Variants in KLHL4 observed in about 807,000 individuals in gnomAD.
KLHL4 encodes kelch like family member 4.
KLHL4 carries 17 observed loss-of-function variants against 45.8 expected under a neutral mutation model. The ratio of observed to expected loss-of-function variants is 0.37; its 90% CI spans 0.25 to 0.56. KLHL4 has a LOEUF of 0.56. Among genes scored for constraint, KLHL4 ranks in the 20% least tolerant of loss-of-function variants. The pLI, the probability that KLHL4 is intolerant of heterozygous loss-of-function variation, is 0.79. For missense variants in KLHL4, 544 were observed against 544.9 expected, an observed-to-expected ratio of 1.00 and a Z score of 0.02; for synonymous variants, 224 against 189.9, an observed-to-expected ratio of 1.18 and a Z score of -1.47.
chrX:87,633,969 G>A (rs752423605), intron 8 of KLHL4, 58 bp downstream of exon 8: 15 of 962,220 alleles, frequency 1.6e-5, no homozygotes, highest in East Asian at 1.3e-4. Flanking sequence ...ATAGAACTTC[G>A]GTGACATGAT....
chrX:87,533,865 T>C (rs1931368210), intron 1 of KLHL4, among the ~76,000 whole-genome samples: 1 of 111,228 alleles, frequency 9.0e-6, no homozygotes, highest in Admixed American at 9.7e-5. Context: ...TCAAGAGCTT[T>C]CTGTAGAGCC....
rs150394728 is a variant in KLHL4 at position 87,552,400 on chromosome X, A to T, written c.422+34085A>T. 4.3e-3 allele frequency among the ~76,000 whole-genome samples: 481 copies of T among 111,048 alleles called. 4 individuals carry two copies. The highest frequency in any genetic ancestry group is 0.015 in the African/African-American group (444 of 30,549). On this transcript the variant is annotated intron_variant, in intron 1 of 10. Coordinates refer to ENST00000373119, the MANE Select transcript of KLHL4 (RefSeq NM_019117.5). ...AAAAAATAAAAATAAAAATAAAAACAGCAGATGTTGGCATTGATGTGGTGA... is the reference window on the plus strand; with the variant it reads ...AAAAAATAAAAATAAAAATAAAAACTGCAGATGTTGGCATTGATGTGGTGA...
At chrX:87,540,852 G>A (rs1931536173) in intron 1 of KLHL4, among the ~76,000 whole-genome samples, 1 of 111,551 alleles carries the variant, frequency 9.0e-6, no homozygotes, top group Non-Finnish European at 1.9e-5. Flanking sequence ...CTATACAACT[G>A]GCAGTGTAGT....
chrX:87,658,247 C>T (rs1924056950), intron 9 of KLHL4, among the ~76,000 whole-genome samples: 1 of 111,860 alleles, frequency 8.9e-6, no homozygotes, highest in South Asian at 3.8e-4. Context: ...ACACTTCAAT[C>T]CCATACCACT....
chrX:87,566,302 A>T (rs1932210507), intron 1 of KLHL4, among the ~76,000 whole-genome samples: 1 of 111,378 alleles, frequency 9.0e-6, no homozygotes, highest in Non-Finnish European at 1.9e-5. Context: ...ATCATCCCTC[A>T]TGAAAATAGA....
rs141495584 is a variant in KLHL4 at position 87,620,938 on chromosome X, G to T, written c.925-1273G>T. Among the ~76,000 whole-genome samples the T allele has an allele frequency of 5.2e-3, 583 of 112,537 alleles. 4 individuals carry two copies. Among genetic ancestry groups the T allele is most frequent in the African/African-American group, 0.018 (554 of 31,027 alleles). Reference sequence around the variant, plus strand: ...CACCATTATTTGTATAAGTGGGAGGGTCTTCACCCAGAGACATCTGCTACA... The same window carrying T: ...CACCATTATTTGTATAAGTGGGAGGTTCTTCACCCAGAGACATCTGCTACA... On this transcript the variant is annotated intron_variant, in intron 4 of 10. Coordinates refer to ENST00000373119, the MANE Select transcript of KLHL4 (RefSeq NM_019117.5).
At position 87,668,786 on chromosome X, in the gene KLHL4, A is replaced by T. The variant is rs1180269896; in HGVS notation, c.*2252A>T. On this transcript the variant is annotated 3_prime_UTR_variant, in exon 11 of 11. Coordinates refer to ENST00000373119, the MANE Select transcript of KLHL4 (RefSeq NM_019117.5). ...GATGCTATGTGTTACCTTGGGACTTACCTGACAGCTCTTACCAACAAGAAG... is the reference window on the plus strand; with the variant it reads ...GATGCTATGTGTTACCTTGGGACTTTCCTGACAGCTCTTACCAACAAGAAG... The T allele has an allele frequency of 5.4e-6, 1 of 183,712 alleles. No homozygotes were observed. Among genetic ancestry groups the T allele is most frequent in the Non-Finnish European group, 8.4e-6 (1 of 119,387 alleles). The allele number at this position is 183,712 out of a possible 1,213,427, so 15.1% of individuals were successfully genotyped here.
intron 9 of KLHL4, among the ~76,000 whole-genome samples, chrX:87,638,616 GAGTCTTTTTTAGACAA>G (rs1923347070): frequency 1.8e-5 from 2 of 111,574 alleles, no homozygotes; most frequent in African/African-American, 6.5e-5. Flanking sequence ...AGGAAAGATA[GAGTCTTTTTTAGACAA>G]ACAAATGCTG....
chrX:87,565,661 G>T lies in KLHL4; in HGVS notation c.422+47346G>T, dbSNP rs773355804. 4.2e-5 allele frequency among the ~76,000 whole-genome samples: 4 copies of T among 95,245 alleles called. No homozygotes were observed. In the South Asian group the frequency reaches 2.3e-3, roughly 54 times the overall value. The allele number at this position is 95,245 out of a possible 115,157, so 82.7% of individuals were successfully genotyped here. ...AAATTGTTTGAACCCTGGAGGTGGA[G>T]GTTGCAGTGAGCCGTGATTGTGCCA... On this transcript the variant is annotated intron_variant, in intron 1 of 10. Coordinates refer to ENST00000373119, the MANE Select transcript of KLHL4 (RefSeq NM_019117.5).
At chrX:87,550,452 T>A (rs1468928113) in intron 1 of KLHL4, among the ~76,000 whole-genome samples, 1 of 111,165 alleles carries the variant, frequency 9.0e-6, no homozygotes, top group African/African-American at 3.3e-5. Flanking sequence ...TACCAGTCAT[T>A]TTGACACTAT....
chrX:87,645,516 G>A (rs190565497), intron 9 of KLHL4, among the ~76,000 whole-genome samples: 1 of 111,503 alleles, frequency 9.0e-6, no homozygotes, highest in East Asian at 2.8e-4. Flanking sequence ...ACTAAAAGTA[G>A]AACTACCATT....
chrX:87,552,573 G>A (rs779317978), intron 1 of KLHL4, among the ~76,000 whole-genome samples: 1 of 110,527 alleles, frequency 9.0e-6, no homozygotes, highest in African/African-American at 3.3e-5. Context: ...AGGAAAAGAC[G>A]TTGTTATTCA....
At chrX:87,657,107 T>A (rs1455259789) in intron 9 of KLHL4, among the ~76,000 whole-genome samples, 1 of 111,927 alleles carries the variant, frequency 8.9e-6, no homozygotes, top group Non-Finnish European at 1.9e-5. Flanking sequence ...TGCATTGGTG[T>A]CAATGGATTT....
At chrX:87,546,114 G>A (rs182165850) in intron 1 of KLHL4, among the ~76,000 whole-genome samples, 51 of 111,983 alleles carry the variant, frequency 4.6e-4, no homozygotes, top group African/African-American at 1.6e-3. Context: ...ATCCAAGCTG[G>A]CTGCAAAAAT....
At position 87,635,642 on chromosome X, in the gene KLHL4, A is replaced by G. The variant is rs1007600643; in HGVS notation, c.1792A>G (p.Ser598Gly). ...CTTTGACCCACACACTAACAAGTGG[A>G]GTTTGTGTGCTCCAATGTCCAAAAG... ...EYFDPHTNKW[S>G]LCAPMSKRRG... is the part of the protein sequence containing the mutation. The change falls in exon 9 of 11, where the codon AGT (serine) becomes GGT (glycine). Residue 598 changes from serine (S) to glycine (G), a missense_variant. Coordinates refer to ENST00000373119, the MANE Select transcript of KLHL4 (RefSeq NM_019117.5). The G allele has an allele frequency of 3.3e-6, 4 of 1,208,067 alleles. No individual in the cohort carries two copies. Among genetic ancestry groups the G allele is most frequent in the Non-Finnish European group, 3.4e-6 (3 of 893,384 alleles).
chrX:87,528,183 C>G (rs1252786118), intron 1 of KLHL4, among the ~76,000 whole-genome samples: 2 of 111,365 alleles, frequency 1.8e-5, no homozygotes, highest in Non-Finnish European at 3.8e-5. Context: ...AAAAATTCAA[C>G]AAAGAGATAG....
chrX:87,663,513 T>C (rs1569365309), intron 9 of KLHL4, among the ~76,000 whole-genome samples: 2 of 112,630 alleles, frequency 1.8e-5, no homozygotes, highest in African/African-American at 6.4e-5. Context: ...ATTAGTACTA[T>C]GCCCATGCAG....
chrX:87,631,666 G>A (rs1460660586), intron 6 of KLHL4, among the ~76,000 whole-genome samples: 1 of 111,522 alleles, frequency 9.0e-6, no homozygotes, highest in South Asian at 3.8e-4. Flanking sequence ...TGCATGCCAC[G>A]ACACACAGCT....
intron 1 of KLHL4, among the ~76,000 whole-genome samples, chrX:87,601,691 C>T (rs1602437905): frequency 9.0e-6 from 1 of 111,360 alleles, no homozygotes; most frequent in South Asian, 3.8e-4. Context: ...ACCTGATGGT[C>T]GTCAGACATT....
Sources: gnomAD v4.1 joint callset for allele counts (sites outside exome capture counted in the v4.1 genomes callset) on GRCh38, gnomAD v4.1.1 for gene constraint, MANE v1.5 for transcripts, NCBI Gene and HGNC (gene_info 2026-07-23, HGNC 2026-07-21) for gene names.